Variants in TRMT11 observed in about 807,000 individuals in gnomAD.
TRMT11 encodes tRNA methyltransferase 11.
Under a neutral mutation model 62.8 loss-of-function variants are expected in TRMT11, and 53 were observed. That is an observed-to-expected ratio of 0.84 (90% CI 0.68 to 1.06). TRMT11 has a LOEUF of 1.06. TRMT11 is among the 50% of genes least tolerant of loss of function. The pLI, the probability that TRMT11 is intolerant of heterozygous loss-of-function variation, is 0.00. For missense variants in TRMT11, 556 were observed against 553.4 expected, an observed-to-expected ratio of 1.00 and a Z score of -0.05; for synonymous variants, 188 against 190.3, an observed-to-expected ratio of 0.99 and a Z score of 0.10.
intron 17 of TRMT11, among the ~76,000 whole-genome samples, chr6:126,053,893 C>A (rs1416396889): frequency 2.0e-5 from 3 of 152,092 alleles, no homozygotes; most frequent in African/African-American, 7.2e-5. Context: ...GTTGCGTGAT[C>A]ATGTCAGGGG....
At chr6:126,021,981 A>AC (rs200189664) in intron 12 of TRMT11, among the ~76,000 whole-genome samples, 2 of 149,846 alleles carry the variant, frequency 1.3e-5, no homozygotes, top group Non-Finnish European at 1.5e-5. Context: ...AACTTGGATG[A>AC]CCCCCATTCT....
chr6:126,255,339 A>T, the TRMT11 span, among the ~76,000 whole-genome samples: 1 of 152,088 alleles, frequency 6.6e-6, no homozygotes, highest in African/African-American at 2.4e-5. Context: ...TTTGTATCTT[A>T]TTCTCTGTCT....
chr6:126,157,603 A>G (rs1315161583), intron 21 of TRMT11, among the ~76,000 whole-genome samples: 1 of 152,230 alleles, frequency 6.6e-6, no homozygotes, highest in Non-Finnish European at 1.5e-5. Flanking sequence ...TACAATTTGA[A>G]GTTTACCTGT....
chr6:126,148,719 T>C (rs1357710540), intron 21 of TRMT11, among the ~76,000 whole-genome samples: 1 of 152,184 alleles, frequency 6.6e-6, no homozygotes, highest in African/African-American at 2.4e-5. Flanking sequence ...AGTCATTTAG[T>C]CGAGTGATTA....
chr6:126,226,853 C>A, the TRMT11 span, among the ~76,000 whole-genome samples: 2 of 152,088 alleles, frequency 1.3e-5, no homozygotes, highest in African/African-American at 4.8e-5. Context: ...GGGAGGGACC[C>A]AGTAGGAGGT....
chr6:126,061,156 G>A (rs892487269), intron 17 of TRMT11, among the ~76,000 whole-genome samples: 11 of 152,204 alleles, frequency 7.2e-5, no homozygotes, highest in Non-Finnish European at 1.0e-4. Flanking sequence ...CTATGGACCA[G>A]CACATCTGAA....
chr6:126,041,256 A>G (rs2128088725), downstream of TRMT11, among the ~76,000 whole-genome samples: 1 of 152,260 alleles, frequency 6.6e-6, no homozygotes, highest in Non-Finnish European at 1.5e-5. Flanking sequence ...CACGGGAGGC[A>G]TTGTAGTGGG....
intron 1 of TRMT11, among the ~76,000 whole-genome samples, chr6:126,179,841 TA>T (rs1283655854): frequency 6.6e-6 from 1 of 152,254 alleles, no homozygotes; most frequent in Non-Finnish European, 1.5e-5. Context: ...TTCAAACACC[TA>T]AAAAATATGA....
chr6:126,018,012 A>G (rs1740491824), intron 11 of TRMT11, among the ~76,000 whole-genome samples: 1 of 152,204 alleles, frequency 6.6e-6, no homozygotes, highest in African/African-American at 2.4e-5. Flanking sequence ...AAGTGATTAG[A>G]AACAGTGTTT....
intron 7 of TRMT11, among the ~76,000 whole-genome samples, chr6:126,007,622 ATTTTAAAGAG>A (rs1793554471): frequency 6.6e-6 from 1 of 152,018 alleles, no homozygotes; most frequent in South Asian, 2.1e-4. Context: ...ATTACCTTTC[ATTTTAAAGAG>A]TTTCATTATT....
At chr6:126,074,006 T>C (rs1365544857) in intron 17 of TRMT11, among the ~76,000 whole-genome samples, 2 of 152,118 alleles carry the variant, frequency 1.3e-5, no homozygotes, top group African/African-American at 4.8e-5. Context: ...GAGAACAGCA[T>C]GAGGGTAACT....
intron 17 of TRMT11, among the ~76,000 whole-genome samples, chr6:126,081,799 C>G (rs2128157687): frequency 6.6e-6 from 1 of 152,200 alleles, no homozygotes; most frequent in African/African-American, 2.4e-5. Flanking sequence ...GCTGCCCTAA[C>G]ACCTGGGCCT....
At chr6:126,037,141 T>A (rs540450509) in intron 12 of TRMT11, among the ~76,000 whole-genome samples, 7 of 152,138 alleles carry the variant, frequency 4.6e-5, no homozygotes, top group African/African-American at 1.7e-4. Flanking sequence ...AGATAGCTCT[T>A]TTGGAGAAAA....
chr6:126,224,563 T>G, the TRMT11 span, among the ~76,000 whole-genome samples: 2 of 152,072 alleles, frequency 1.3e-5, no homozygotes, highest in Non-Finnish European at 2.9e-5. Context: ...AACACTCTGA[T>G]GAGGGGTGCC....
intron 17 of TRMT11, among the ~76,000 whole-genome samples, chr6:126,093,581 GTATGTATATA>G (rs1291762502): frequency 4.3e-4 from 16 of 37,086 alleles, no homozygotes; most frequent in African/African-American, 9.3e-4. Flanking sequence ...AACAGGATAT[GTATGTATATA>G]TATATATATA....
chr6:125,988,122 A>G (rs187883526), intron 1 of TRMT11, among the ~76,000 whole-genome samples: 388 of 152,328 alleles, frequency 2.5e-3, no homozygotes, highest in African/African-American at 8.7e-3. Flanking sequence ...AGAAGGGTAA[A>G]GTTTTAGGAA....
chr6:126,146,372 A>C (rs892051298), intron 21 of TRMT11, among the ~76,000 whole-genome samples: 7 of 152,196 alleles, frequency 4.6e-5, no homozygotes, highest in African/African-American at 7.2e-5. Context: ...CAGAGGAAAA[A>C]GTAGCAGCAG....
intron 8 of TRMT11, among the ~76,000 whole-genome samples, chr6:126,009,734 T>G (rs959546341): frequency 1.3e-5 from 2 of 152,086 alleles, no homozygotes; most frequent in African/African-American, 2.4e-5. Flanking sequence ...AAAGATATTC[T>G]TTATCTGAAA....
intron 1 of TRMT11, among the ~76,000 whole-genome samples, chr6:126,190,671 C>T (rs1400900598): frequency 6.6e-6 from 1 of 152,158 alleles, no homozygotes. Context: ...TAAACTCCCA[C>T]CTATGAGTGA....
Sources: gnomAD v4.1 joint callset for allele counts (sites outside exome capture counted in the v4.1 genomes callset) on GRCh38, gnomAD v4.1.1 for gene constraint, MANE v1.5 for transcripts, NCBI Gene and HGNC (gene_info 2026-07-23, HGNC 2026-07-21) for gene names.